NLRP12: variants seen among roughly 807,000 people sequenced by gnomAD.
NLRP12 encodes the protein NLR family pyrin domain containing 12.
A neutral mutation model predicts 91.2 loss-of-function variants in NLRP12; 108 were observed. The observed-to-expected ratio is 1.18, with a 90% CI of 1.01 to 1.39. The LOEUF is 1.39. NLRP12 is among the 40% of genes most tolerant of loss of function. The probability of loss-of-function intolerance (pLI) is 0.00; values close to 1 mark genes in which losing one functional copy is unlikely to be tolerated. For missense variants in NLRP12, 1,530 were observed against 1,352.7 expected (o/e 1.13, Z -2.06); for synonymous variants, 613 against 566.7 (o/e 1.08, Z -1.16).
At position 53,794,055 on chromosome 19, in the gene NLRP12, G is replaced by T; in HGVS notation, c.3180C>A (p.Gly1060=). 1 of 1,612,010 alleles carries T rather than the reference G, an allele frequency of 6.2e-7. No homozygotes were observed. The highest frequency in any genetic ancestry group is 8.5e-7 in the Non-Finnish European group (1 of 1,178,104). ...LRVTKPYLDI[G]C is the part of the protein sequence containing the mutation. Reference sequence around the variant, plus strand: ...AGCCAGCAGATAGGACCATTCAGCAGCCAATGTCCAAATAAGGTTTTGTTA... The same window carrying T: ...AGCCAGCAGATAGGACCATTCAGCATCCAATGTCCAAATAAGGTTTTGTTA... The change falls in exon 10 of 10, where the codon GGC becomes GGA. Residue 1060 remains glycine, a synonymous_variant. Coordinates refer to ENST00000324134, the MANE Select transcript of NLRP12 (RefSeq NM_144687.4).
Position 53,793,926 on chromosome 19 carries a change from T to C in NLRP12, c.*123A>G. 1 of 785,432 alleles carries C rather than the reference T, an allele frequency of 1.3e-6. No individual in the cohort carries two copies. The highest frequency in any genetic ancestry group is 1.9e-5 in the Admixed American group (1 of 52,644). 48.7% of individuals were successfully genotyped at this position (785,432 alleles called of 1,614,324 possible). On this transcript the variant is annotated 3_prime_UTR_variant, in exon 10 of 10. Coordinates refer to ENST00000324134, the MANE Select transcript of NLRP12 (RefSeq NM_144687.4). The stretch of plus-strand genomic sequence containing the variant: ...AATTTGATCCCAAGCAGAGGGACTT[T>C]TGATCTCAATCTGCATGAGTCTGTC...
intron 8 of NLRP12, 141 bp downstream of exon 8, chr19:53,798,102 C>T: frequency 9.8e-7 from 1 of 1,021,070 alleles, no homozygotes. Flanking sequence ...GACTTCCTGT[C>T]TTTTCTTTCC....
chr19:53,801,768 A>G (rs572903900), intron 6 of NLRP12, among the ~76,000 whole-genome samples: 24 of 151,774 alleles, frequency 1.6e-4, no homozygotes, highest in African/African-American at 5.1e-4. Flanking sequence ...CAATCTTAAC[A>G]GTAATGCATT....
chr19:53,803,584 T>C (rs1184427502), intron 6 of NLRP12: 8 of 347,446 alleles, frequency 2.3e-5, no homozygotes, highest in Non-Finnish European at 4.5e-5. Context: ...TATTCTACTT[T>C]GTTTTTTGAG....
In NLRP12 at chr19:53,810,250, CAGAGCCCATCTGCCGCCA is replaced by C. The variant is rs2122665998; in HGVS notation, c.1391_1408del (p.Leu464_Leu469del). 3 of 1,614,102 alleles carry C rather than the reference CAGAGCCCATCTGCCGCCA, an allele frequency of 1.9e-6. No homozygotes were observed. The Admixed American group carries it at 5.0e-5, about 27-fold the overall frequency. ...CTCCTCAAATAGGATTTTCTGATTC[CAGAGCCCATCTGCCGCCA>C]AGGAGCACAACCCTCTCTGGTTGGG... is the stretch of plus-strand genomic sequence containing the variant. On this transcript the variant is annotated inframe_deletion, in exon 3 of 10. Coordinates refer to ENST00000324134, the MANE Select transcript of NLRP12 (RefSeq NM_144687.4).
rs1352661326 is a variant in NLRP12, at chr19:53,810,730, C to T, written c.929G>A (p.Trp310Ter). The part of the protein sequence containing the change: ...KPSFHDPQGP[W>*]CLCWEEKRPT... The stretch of plus-strand genomic sequence containing the variant: ...CCGTTTCTCCTCCCAGCAGAGGCAC[C>T]AGGGTCCCTGAGGATCGTGGAAAGA... The change falls in exon 3 of 10, where the codon TGG (tryptophan) becomes TAG (stop). Residue 310 changes from tryptophan to a stop codon, truncating the protein, a stop_gained. Transcript: ENST00000324134. LOFTEE classifies it high-confidence loss of function. 6.2e-7 allele frequency: 1 copy of T among 1,613,970 alleles called. No individual in the cohort carries two copies. The highest frequency in any genetic ancestry group is 8.5e-7 in the Non-Finnish European group (1 of 1,180,018).
At chr19:53,804,242 A>C (rs2091919556) in intron 5 of NLRP12, 120 bp from the exon 6 acceptor site, 1 of 1,143,990 alleles carries the variant, frequency 8.7e-7, no homozygotes, top group South Asian at 1.3e-5. Context: ...ACCCAGGGTG[A>C]AGTTCAGTGG....
At position 53,804,023 on chromosome 19, in the gene NLRP12, T is replaced by C. The variant is rs749027731; in HGVS notation, c.2514A>G (p.Ala838=). 5.0e-6 allele frequency: 8 copies of C among 1,614,000 alleles called. No homozygotes were observed. The highest frequency in any genetic ancestry group is 2.7e-5 in the African/African-American group (2 of 74,928). Residue 838 remains alanine, a synonymous_variant, in exon 6 of 10, where the codon GCA becomes GCG. Coordinates refer to ENST00000324134, the MANE Select transcript of NLRP12 (RefSeq NM_144687.4). ...HLVELDLTGN[A]LEDLGLRLLC... ...GTAACCTCAGGCCCAAATCCTCCAG[T>C]GCATTTCCTGTCAGGTCCAACTCAA...
In NLRP12 at chr19:53,805,335, T is replaced by A; in HGVS notation, c.2359A>T (p.Met787Leu). ...LSGNGVGFPG[M>L]MLLCEGLRHP... ...CGCAGGCCCTCGCAAAGCAGCATCA[T>A]GCCTGGGAATCCAACGCCGTTGCCA... The change falls in exon 5 of 10, where the codon ATG becomes TTG. Residue 787 changes from methionine to leucine, a missense_variant. Physicochemically the swap from Met to Leu is conservative, Grantham distance 15. Transcript: ENST00000324134. 6.2e-7 allele frequency: 1 copy of A among 1,614,116 alleles called. No homozygotes were observed. The highest frequency in any genetic ancestry group is 8.5e-7 in the Non-Finnish European group (1 of 1,180,018).
chr19:53,794,374 C>T (rs914372738), intron 9 of NLRP12, among the ~76,000 whole-genome samples: 2 of 148,532 alleles, frequency 1.3e-5, no homozygotes, highest in Non-Finnish European at 3.0e-5. Flanking sequence ...GGCTGGAGTG[C>T]AGTGGTGCAA....
intron 9 of NLRP12, among the ~76,000 whole-genome samples, chr19:53,795,468 G>A (rs562640906): frequency 1.3e-5 from 2 of 151,126 alleles, no homozygotes; most frequent in Non-Finnish European, 2.9e-5. Flanking sequence ...TCCACCTCCC[G>A]GGTTCACGCC....
chr19:53,796,177 C>T (rs1192537280), intron 8 of NLRP12, 148 bp from the exon 9 acceptor site: 3 of 726,224 alleles, frequency 4.1e-6, no homozygotes, highest in Non-Finnish European at 7.3e-6. Flanking sequence ...AGCGATTCTC[C>T]TGCCTCAGCC....
At position 53,815,225 on chromosome 19, in the gene NLRP12, C is replaced by CTTTTTTTTT. The variant is rs59179749; in HGVS notation, c.290-246_290-238dup. Among the ~76,000 whole-genome samples the CTTTTTTTTT allele has an allele frequency of 5.2e-5, 5 of 96,974 alleles. 1 individual carries two copies. Among genetic ancestry groups the CTTTTTTTTT allele is most frequent in the African/African-American group, 9.0e-5 (2 of 22,208 alleles). 63.6% of individuals were successfully genotyped at this position (96,974 alleles called of 152,430 possible). A position where few individuals can be genotyped will look rare whatever the true frequency, so the allele number is the denominator to read the frequency against. ...TGGCACCTCCATCCATCCAATCAGT[C>CTTTTTTTTT]TTTTTTTTTTTTTTTTTTTTTGAGA... is the stretch of plus-strand genomic sequence containing the variant. On this transcript the variant is annotated intron_variant, in intron 1 of 9. Coordinates refer to ENST00000324134, the MANE Select transcript of NLRP12 (RefSeq NM_144687.4).
In NLRP12 at chr19:53,801,297, G is replaced by C. The variant is rs781590013; in HGVS notation, c.2686C>G (p.Leu896Val). ...AGCAGCAGCACCCCGAGGTCCCCCA[G>C]CTCATTCAGGCTCAGGTCCAGCTCT... The part of the protein sequence containing the change: ...LRELDLSLNE[L>V]GDLGVLLLCE... The change falls in exon 7 of 10, where the codon CTG becomes GTG. Residue 896 changes from leucine to valine, a missense_variant. Transcript: ENST00000324134. 2 of 1,613,932 alleles carry C rather than the reference G, an allele frequency of 1.2e-6. No individual in the cohort carries two copies. Among genetic ancestry groups the C allele is most frequent in the Admixed American group, 3.3e-5 (2 of 59,962 alleles).
rs1555795502 is a variant in NLRP12, at chr19:53,809,517, C to CAAG, written c.2072+69_2072+70insCTT. The CAAG allele has an allele frequency of 1.0e-5, 7 of 695,272 alleles. No homozygotes were observed. In the East Asian group the frequency reaches 2.3e-4, roughly 23 times the overall value. The allele number at this position is 695,272 out of a possible 1,614,324, so 43.1% of individuals were successfully genotyped here. A position where few individuals can be genotyped will look rare whatever the true frequency, so the allele number is the denominator to read the frequency against. On this transcript the variant is annotated intron_variant, in intron 3 of 9. Coordinates refer to ENST00000324134, the MANE Select transcript of NLRP12 (RefSeq NM_144687.4). Reference sequence around the variant, plus strand: ...GTGTACTCCAGCCTAGGCAACAGAGCAAAAAAAAAAAAAAAAAAAAAAAAC... The same window carrying CAAG: ...GTGTACTCCAGCCTAGGCAACAGAGCAAGAAAAAAAAAAAAAAAAAAAAAAAAC...
chr19:53,800,020 G>T (rs1306447454), intron 7 of NLRP12, among the ~76,000 whole-genome samples: 2 of 152,052 alleles, frequency 1.3e-5, no homozygotes, highest in Non-Finnish European at 2.9e-5. Flanking sequence ...ATAAAAATTG[G>T]CCAGGCGCAG....
At chr19:53,821,913 TAC>T (rs1479541467) in intron 1 of NLRP12, among the ~76,000 whole-genome samples, 8 of 152,222 alleles carry the variant, frequency 5.3e-5, no homozygotes, top group Non-Finnish European at 1.0e-4. Context: ...TAGAATTCTG[TAC>T]ACAGTCATAA....
In NLRP12 at chr19:53,796,120, A is replaced by G. The variant is rs1445747649; in HGVS notation, c.2928-91T>C. 4 of 1,268,872 alleles carry G rather than the reference A, an allele frequency of 3.2e-6. No individual in the cohort carries two copies. The East Asian group carries it at 7.0e-5, about 22-fold the overall frequency. The allele number at this position is 1,268,872 out of a possible 1,614,324, so 78.6% of individuals were successfully genotyped here. ...CTCACCCTGTCTCCCAGGCTGGAGT[A>G]CAGTGGTGAGATTTCTGTTCACTGC... On this transcript the variant is annotated intron_variant, in intron 8 of 9. Transcript: ENST00000324134.
Position 53,810,505 on chromosome 19 carries a change from C to CCCG in NLRP12, c.1151_1153dup (p.Ala384dup), listed in dbSNP as rs2092051065. 1 of 1,613,958 alleles carries CCCG rather than the reference C, an allele frequency of 6.2e-7. No homozygotes were observed. The highest frequency in any genetic ancestry group is 1.7e-5 in the Admixed American group (1 of 59,974). Reference sequence around the variant, plus strand: ...GTCCCTCACGTAATTGAAGACTTGGCCCGCCTGCTCTGCATTGTGGAAATA... The same window carrying CCCG: ...GTCCCTCACGTAATTGAAGACTTGGCCCGCCGCCTGCTCTGCATTGTGGAAATA... On this transcript the variant is annotated inframe_insertion, in exon 3 of 10. Coordinates refer to ENST00000324134, the MANE Select transcript of NLRP12 (RefSeq NM_144687.4).
Sources: allele counts gnomAD v4.1 joint callset (sites outside exome capture counted in the v4.1 genomes callset), GRCh38; gene constraint gnomAD v4.1.1; transcripts MANE v1.5; gene names NCBI Gene and HGNC (gene_info 2026-07-23, HGNC 2026-07-21).